The following CHST11 variants were observed in gnomAD, a reference collection of about 807,000 sequenced individuals.
The protein encoded by CHST11 is carbohydrate sulfotransferase 11, also known as C4S-1.
A neutral mutation model predicts 30.4 loss-of-function variants in CHST11; 9 were observed. The ratio of observed to expected loss-of-function variants is 0.30; its 90% CI spans 0.18 to 0.52. The LOEUF (loss-of-function observed/expected upper bound fraction) is 0.52, where lower values mean the gene tolerates loss of function less well. Ranked by LOEUF, CHST11 falls within the 20% of genes least tolerant of loss-of-function variation. The pLI, the probability that CHST11 is intolerant of heterozygous loss-of-function variation, is 0.97. For synonymous variants in CHST11, 152 were observed against 187.8 expected (o/e 0.81, Z 1.56); for missense variants, 348 against 460.6 (o/e 0.76, Z 2.24).
intron 1 of CHST11, among the ~76,000 whole-genome samples, chr12:104,505,741 T>C (rs1238283407): frequency 2.6e-5 from 4 of 152,248 alleles, no homozygotes; most frequent in Non-Finnish European, 4.4e-5. Flanking sequence ...TTATTGGCCT[T>C]GGCAAGCATT....
intron 1 of CHST11, among the ~76,000 whole-genome samples, chr12:104,474,718 C>T (rs1297169864): frequency 6.6e-6 from 1 of 152,064 alleles, no homozygotes; most frequent in Admixed American, 6.5e-5. Flanking sequence ...TGTTATAAAA[C>T]TCCAACAAAG....
chr12:104,483,843 C>T (rs1156302168), intron 1 of CHST11, among the ~76,000 whole-genome samples: 2 of 152,176 alleles, frequency 1.3e-5, no homozygotes, highest in Non-Finnish European at 1.5e-5. Context: ...AGGACTGTGG[C>T]TCTTCTTACC....
rs893282567 is a variant in CHST11, at chr12:104,699,381, T to G, written c.205-57568T>G. 1.6e-4 allele frequency among the ~76,000 whole-genome samples: 24 copies of G among 152,346 alleles called. 1 individual carries two copies. The highest frequency in any genetic ancestry group is 1.4e-3 in the Admixed American group (22 of 15,308). ...CTCTTTCATTAATATTTGTTAAATA[T>G]TAATTACATGTTAAAATGATATTTT... On this transcript the variant is annotated intron_variant, in intron 2 of 2. Transcript: ENST00000303694.
chr12:104,486,074 C>T (rs1018697376), intron 1 of CHST11, among the ~76,000 whole-genome samples: 1 of 152,198 alleles, frequency 6.6e-6, no homozygotes, highest in Non-Finnish European at 1.5e-5. Flanking sequence ...GTCTTCCTTC[C>T]CCTCCCAGCC....
At chr12:104,550,968 T>C (rs182780771) in intron 1 of CHST11, among the ~76,000 whole-genome samples, 92 of 152,316 alleles carry the variant, frequency 6.0e-4, no homozygotes, top group African/African-American at 2.2e-3. Flanking sequence ...ATTTTTTTTT[T>C]CCTCTTTCTA....
chr12:104,713,756 G>A (rs536699139), intron 2 of CHST11, among the ~76,000 whole-genome samples: 2 of 152,306 alleles, frequency 1.3e-5, no homozygotes, highest in East Asian at 1.9e-4. Flanking sequence ...CCATGATGCT[G>A]CAGTTCAGGC....
intron 2 of CHST11, among the ~76,000 whole-genome samples, chr12:104,741,769 C>T (rs1027118387): frequency 6.6e-5 from 10 of 152,166 alleles, no homozygotes; most frequent in African/African-American, 2.4e-4. Flanking sequence ...GACGCTCAAT[C>T]ATCAGTTCTC....
intron 1 of CHST11, among the ~76,000 whole-genome samples, chr12:104,489,717 C>T (rs2037727204): frequency 6.6e-6 from 1 of 152,086 alleles, no homozygotes; most frequent in Admixed American, 6.6e-5. Flanking sequence ...CCCACCTCGG[C>T]CTCCCAAAGT....
chr12:104,714,614 G>A (rs573179313), intron 2 of CHST11, among the ~76,000 whole-genome samples: 2 of 152,276 alleles, frequency 1.3e-5, no homozygotes, highest in South Asian at 4.1e-4. Context: ...AATGAGCTCA[G>A]CCAGACACAG....
Position 104,676,782 on chromosome 12 carries a change from T to C in CHST11, c.204+74791T>C, listed in dbSNP as rs1443518716. ...CTTCCCACCTCAAGACCCTTCACTC[T>C]ACCGCAGCTGCAAATTCTCCTTTTG... On this transcript the variant is annotated intron_variant, in intron 2 of 2. Coordinates refer to ENST00000303694, the MANE Select transcript of CHST11 (RefSeq NM_018413.6). The surrounding 1 kb of genome is among the most constrained non-coding windows in gnomAD (Gnocchi z 4.4). Among the ~76,000 whole-genome samples the C allele has an allele frequency of 6.6e-6, 1 of 152,212 alleles. No individual in the cohort carries two copies. Among genetic ancestry groups the C allele is most frequent in the African/African-American group, 2.4e-5 (1 of 41,458 alleles).
rs1340026062 is a variant in CHST11, at chr12:104,458,425, C to T, written c.118+896C>T. Among the ~76,000 whole-genome samples, 1 of 152,234 alleles carries T rather than the reference C, an allele frequency of 6.6e-6. No homozygotes were observed. The highest frequency in any genetic ancestry group is 1.5e-5 in the Non-Finnish European group (1 of 68,040). Reference sequence around the variant, plus strand: ...GGTCCCTTGTGGCTCAGGCAAAGTTCCACGTCCGAAATCTGGACTGGGGGA... The same window carrying T: ...GGTCCCTTGTGGCTCAGGCAAAGTTTCACGTCCGAAATCTGGACTGGGGGA... On this transcript the variant is annotated intron_variant, in intron 1 of 2. Transcript: ENST00000303694. The surrounding 1 kb of genome is among the most constrained non-coding windows in gnomAD (Gnocchi z 5.7).
In CHST11 at chr12:104,600,790, A is replaced by G. The variant is rs1034645474; in HGVS notation, c.119-1116A>G. On this transcript the variant is annotated intron_variant, in intron 1 of 2. Coordinates refer to ENST00000303694, the MANE Select transcript of CHST11 (RefSeq NM_018413.6). This position sits in a 1 kb window ranked among gnomAD's most constrained non-coding sequence, Gnocchi z 4.1. ...TCATGCCACTGTTGCACCTCAAACC[A>G]TAAGAAAACTGCCTCGTACTTGAGA... Among the ~76,000 whole-genome samples the G allele has an allele frequency of 2.6e-5, 4 of 152,144 alleles. No individual in the cohort carries two copies. Among genetic ancestry groups the G allele is most frequent in the South Asian group, 2.1e-4 (1 of 4,828 alleles).
intron 1 of CHST11, among the ~76,000 whole-genome samples, chr12:104,589,418 A>T (rs924917217): frequency 1.4e-5 from 2 of 143,116 alleles, no homozygotes; most frequent in South Asian, 2.3e-4. Flanking sequence ...AAAAAAAAAA[A>T]ATTCAAATTC....
chr12:104,574,527 C>A (rs975706012), intron 1 of CHST11, among the ~76,000 whole-genome samples: 7 of 151,824 alleles, frequency 4.6e-5, no homozygotes, highest in Non-Finnish European at 1.0e-4. Flanking sequence ...TACTATGCAG[C>A]CATAAAAAAT....
At chr12:104,685,812 C>A (rs1030742056) in intron 2 of CHST11, among the ~76,000 whole-genome samples, 1 of 152,198 alleles carries the variant, frequency 6.6e-6, no homozygotes, top group African/African-American at 2.4e-5. Context: ...AACATGTGTT[C>A]TCTGCCTATT....
At chr12:104,575,900 T>A (rs1467986198) in intron 1 of CHST11, among the ~76,000 whole-genome samples, 1 of 151,884 alleles carries the variant, frequency 6.6e-6, no homozygotes, top group African/African-American at 2.4e-5. Context: ...ATAAAAGGGT[T>A]AGCTTCTTCA....
intron 1 of CHST11, among the ~76,000 whole-genome samples, chr12:104,542,964 G>T: frequency 6.6e-6 from 1 of 152,182 alleles, no homozygotes; most frequent in East Asian, 1.9e-4. Flanking sequence ...CAACCAGTGT[G>T]TTAGTCCATT....
At chr12:104,580,846 C>T (rs1046387860) in intron 1 of CHST11, among the ~76,000 whole-genome samples, 1 of 152,196 alleles carries the variant, frequency 6.6e-6, no homozygotes, top group African/African-American at 2.4e-5. Context: ...CCTGCCTTGG[C>T]TTCCCAAAGT....
chr12:104,464,754 C>T (rs1455826597), intron 1 of CHST11, among the ~76,000 whole-genome samples: 4 of 152,058 alleles, frequency 2.6e-5, no homozygotes, highest in East Asian at 1.9e-4. Flanking sequence ...GTGGGAAATT[C>T]GTAATATCTT....
Sources: gnomAD v4.1 joint callset for allele counts (sites outside exome capture counted in the v4.1 genomes callset) on GRCh38, gnomAD v4.1.1 for gene constraint, Gnocchi (gnomAD v3.1) non-coding constraint, MANE v1.5 for transcripts, NCBI Gene and HGNC (gene_info 2026-07-23, HGNC 2026-07-21) for gene names.